ZBTB41: variants seen among roughly 807,000 people sequenced by gnomAD.
The protein encoded by ZBTB41 is zinc finger and BTB domain-containing protein 41.
ZBTB41 carries 42 observed loss-of-function variants against 87.6 expected under a neutral mutation model. The ratio of observed to expected loss-of-function variants is 0.48; its 90% confidence interval spans 0.37 to 0.62. The LOEUF is 0.62. Ranked by LOEUF, ZBTB41 falls within the 20% of genes least tolerant of loss-of-function variation. The pLI, the probability that ZBTB41 is intolerant of heterozygous loss-of-function variation, is 0.00. For synonymous variants in ZBTB41, 364 were observed against 364.0 expected, an observed-to-expected ratio of 1.00 and a Z score of 0.00; for missense variants, 799 against 1,078.9, an observed-to-expected ratio of 0.74 and a Z score of 3.63.
intron 5 of ZBTB41, among the ~76,000 whole-genome samples, chr1:197,187,594 G>C (rs530782441): frequency 6.6e-6 from 1 of 151,940 alleles, no homozygotes; most frequent in East Asian, 1.9e-4. Context: ...GTATTGTTAT[G>C]TTTTGTTATT....
chr1:197,189,728 A>G (rs1659978402), intron 4 of ZBTB41, among the ~76,000 whole-genome samples: 1 of 152,182 alleles, frequency 6.6e-6, no homozygotes, highest in African/African-American at 2.4e-5. Flanking sequence ...AGACTATGCC[A>G]TAAAGTCTAA....
Position 197,157,098 on chromosome 1 carries a change from A to G in ZBTB41, c.*2261T>C, listed in dbSNP as rs1194743300. ...TCTACAATAGTAACTAAATACAATT[A>G]TATTATTATATTTCACTTTACTAAG... On this transcript the variant is annotated 3_prime_UTR_variant, in exon 11 of 11. Transcript: ENST00000367405. 5 of 152,222 alleles carry G rather than the reference A, an allele frequency of 3.3e-5. No homozygotes were observed. The highest frequency in any genetic ancestry group is 7.4e-5 in the Non-Finnish European group (5 of 67,758). 9.4% of individuals were successfully genotyped at this position (152,222 alleles called of 1,614,324 possible).
intron 10 of ZBTB41, among the ~76,000 whole-genome samples, chr1:197,170,346 G>A (rs974728172): frequency 1.3e-5 from 2 of 151,730 alleles, no homozygotes; most frequent in African/African-American, 4.8e-5. Flanking sequence ...ACCATTTCCT[G>A]GATAAACTAT....
At chr1:197,174,116 G>A (rs61819116) in intron 9 of ZBTB41, among the ~76,000 whole-genome samples, 46,010 of 152,002 alleles carry the variant, frequency 0.3, 8,714 homozygotes, top group Middle Eastern at 0.44. Context: ...GTAGGGCCTT[G>A]CATGGCTAAG....
rs369133324 is a variant in ZBTB41, at chr1:197,180,980, T to C, written c.1676+8A>G. The stretch of plus-strand genomic sequence containing the variant: ...AGGATTTTTGTGGGTGTGCAGATAA[T>C]TCTTCACCTTTCTCGTACTGATTTT... On this transcript the variant is annotated splice_region_variant and intron_variant, in intron 6 of 10. Transcript: ENST00000367405. The C allele has an allele frequency of 4.4e-5, 70 of 1,586,198 alleles. 2 individuals carry two copies. In the South Asian group the frequency reaches 8.0e-4, roughly 18 times the overall value.
chr1:197,162,771 A>G (rs1659232399), intron 10 of ZBTB41, among the ~76,000 whole-genome samples: 1 of 152,198 alleles, frequency 6.6e-6, no homozygotes, highest in African/African-American at 2.4e-5. Context: ...TTTTCTCCTC[A>G]GTGCACTTTC....
chr1:197,199,372 T>C lies in ZBTB41; in HGVS notation c.1102A>G (p.Lys368Glu), dbSNP rs1557989938. 1.3e-6 allele frequency: 2 copies of C among 1,519,888 alleles called. No individual in the cohort carries two copies. Among genetic ancestry groups the C allele is most frequent in the Non-Finnish European group, 1.8e-6 (2 of 1,141,860 alleles). 94.2% of individuals were successfully genotyped at this position (1,519,888 alleles called of 1,614,324 possible). ...KKILQCPKCD[K>E]TFDRIGKYES... ...TTCTTACCTATTCGGTCAAATGTTTTATCACATTTAGGACACTGCAATATT... is the reference window on the plus strand; with the variant it reads ...TTCTTACCTATTCGGTCAAATGTTTCATCACATTTAGGACACTGCAATATT... Residue 368 changes from lysine to glutamate, a missense_variant, in exon 2 of 11, where the codon AAA (lysine) becomes GAA (glutamate). This residue lies in a region of ZBTB41 where 294 missense variants were observed against 340.1 expected (regional missense o/e 0.86). Coordinates refer to ENST00000367405, the MANE Select transcript of ZBTB41 (RefSeq NM_194314.3).
chr1:197,183,735 T>C (rs962922570), intron 5 of ZBTB41, among the ~76,000 whole-genome samples: 5 of 152,206 alleles, frequency 3.3e-5, no homozygotes, highest in Admixed American at 1.3e-4. Flanking sequence ...ACTTTCCTTG[T>C]ATATTTTCCG....
At chr1:197,176,482 C>A (rs749828177) in intron 8 of ZBTB41, 82 bp downstream of exon 8, 50 of 953,916 alleles carry the variant, frequency 5.2e-5, no homozygotes, top group Non-Finnish European at 7.2e-5. Flanking sequence ...AACTTATAGC[C>A]AACATAAACA....
At chr1:197,166,422 T>C (rs1659345659) in intron 10 of ZBTB41, among the ~76,000 whole-genome samples, 1 of 152,034 alleles carries the variant, frequency 6.6e-6, no homozygotes, top group Non-Finnish European at 1.5e-5. Context: ...AATAACAAAA[T>C]ACCCCAAATT....
chr1:197,159,202 C>T lies in ZBTB41; in HGVS notation c.*157G>A. 1.5e-6 allele frequency: 1 copy of T among 689,180 alleles called. No individual in the cohort carries two copies. 42.7% of individuals were successfully genotyped at this position (689,180 alleles called of 1,614,324 possible). A position where few individuals can be genotyped will look rare whatever the true frequency, so the allele number is the denominator to read the frequency against. On this transcript the variant is annotated 3_prime_UTR_variant, in exon 11 of 11. Transcript: ENST00000367405. ...GAAATTTTGTCCAAATATTCATGTT[C>T]AGTAAACAGAGACACATAGTTTTCT...
At position 197,159,947 on chromosome 1, in the gene ZBTB41, G is replaced by C; in HGVS notation, c.2142C>G (p.His714Gln). ...GTCGGGCATCAGAATGAATAACCAG[G>C]TGTTTTGTTAATGTTTTCTTAATTC... ...SFRIKKTLTK[H>Q]LVIHSDARPF... is the part of the protein sequence containing the mutation. Residue 714 changes from histidine (H) to glutamine (Q), a missense_variant, in exon 11 of 11, where the codon CAC becomes CAG. His to Gln is a conservative substitution (Grantham distance 24). Around this residue, in one of 5 missense-constraint regions of ZBTB41, gnomAD observed 198 missense variants for 358.4 expected, o/e 0.55. Transcript: ENST00000367405. The C allele has an allele frequency of 1.9e-6, 3 of 1,613,638 alleles. No homozygotes were observed. Among genetic ancestry groups the C allele is most frequent in the Non-Finnish European group, 2.5e-6 (3 of 1,179,738 alleles).
chr1:197,171,535 G>C (rs1659477915), intron 10 of ZBTB41, among the ~76,000 whole-genome samples: 1 of 151,978 alleles, frequency 6.6e-6, no homozygotes, highest in Admixed American at 6.6e-5. Context: ...ATATGTAAAG[G>C]CAAACAAGGA....
At chr1:197,180,720 A>G (rs923753729) in intron 6 of ZBTB41, among the ~76,000 whole-genome samples, 3 of 149,852 alleles carry the variant, frequency 2.0e-5, no homozygotes, top group African/African-American at 7.6e-5. Flanking sequence ...CTTTTTAAAA[A>G]ACAAACAAAA....
intron 2 of ZBTB41, among the ~76,000 whole-genome samples, chr1:197,199,063 G>A (rs1483675336): frequency 6.6e-6 from 1 of 152,016 alleles, no homozygotes; most frequent in African/African-American, 2.4e-5. Context: ...ATAAATCAAA[G>A]CTCTACATGA....
At chr1:197,176,523 TA>T in intron 8 of ZBTB41, 40 bp downstream of exon 8, 2 of 1,376,878 alleles carry the variant, frequency 1.5e-6, no homozygotes, top group Non-Finnish European at 1.0e-6. Flanking sequence ...TTCAGGTATT[TA>T]AAAAGGATTT....
rs573316926 is a variant in ZBTB41 at position 197,175,347 on chromosome 1, A to G, written c.1880-232T>C. On this transcript the variant is annotated intron_variant, in intron 8 of 10. Transcript: ENST00000367405. ...TTCCCCGCTTGGAAAAGGAATCAAT[A>G]GCCTTTTGTTGAACACTTCAAATCA... Among the ~76,000 whole-genome samples the G allele has an allele frequency of 2.0e-5, 3 of 147,528 alleles. No individual in the cohort carries two copies. In the South Asian group the frequency reaches 6.5e-4, roughly 32 times the overall value.
intron 3 of ZBTB41, among the ~76,000 whole-genome samples, chr1:197,191,148 G>A (rs1352241902): frequency 6.6e-6 from 1 of 151,888 alleles, no homozygotes; most frequent in Non-Finnish European, 1.5e-5. Context: ...ACACATTAAA[G>A]ACAATGTTGA....
At chr1:197,193,430 A>C (rs1660083112) in intron 2 of ZBTB41, among the ~76,000 whole-genome samples, 1 of 152,152 alleles carries the variant, frequency 6.6e-6, no homozygotes, top group Non-Finnish European at 1.5e-5. Context: ...CATAGTAAGC[A>C]CTAATAAATA....
Sources: gnomAD v4.1 joint callset for allele counts (sites outside exome capture counted in the v4.1 genomes callset) on GRCh38, gnomAD v4.1.1 for gene constraint, gnomAD v4.1.1 regional missense constraint, MANE v1.5 for transcripts, NCBI Gene and HGNC (gene_info 2026-07-23, HGNC 2026-07-21) for gene names.